Variants in AKAP17A observed in about 807,000 individuals in gnomAD.
AKAP17A encodes A-kinase anchoring protein 17A, also known as A-kinase anchor protein 17A.
AKAP17A carries 15 observed loss-of-function variants against 52.2 expected under a neutral mutation model. The observed-to-expected ratio is 0.29, with a 90% CI of 0.19 to 0.44. The LOEUF (loss-of-function observed/expected upper bound fraction) is 0.44. Ranked by LOEUF, AKAP17A falls within the 20% of genes least tolerant of loss-of-function variation. The pLI is 1.00. For synonymous variants in AKAP17A, 514 were observed against 424.7 expected (o/e 1.21, Z -2.58); for missense variants, 1,060 against 1,007.0 (o/e 1.05, Z -0.71).
At chrX:1,597,240 T>TC (rs1464277614) in intron 3 of AKAP17A, among the ~76,000 whole-genome samples, 4 of 152,160 alleles carry the variant, frequency 2.6e-5, no homozygotes, top group Non-Finnish European at 5.9e-5. Flanking sequence ...CCCCGTTGCC[T>TC]CCCCAGGGGA....
In AKAP17A at chrX:1,601,066, C is replaced by T. The variant is rs768671546; in HGVS notation, c.1560C>T (p.Ala520=). 6.2e-7 allele frequency: 1 copy of T among 1,613,546 alleles called. No homozygotes were observed. The highest frequency in any genetic ancestry group is 8.5e-7 in the Non-Finnish European group (1 of 1,179,786). Residue 520 remains alanine, a synonymous_variant, in exon 5 of 5, where the codon GCC becomes GCT. Transcript: ENST00000313871. ...KSVNGSVAEE[A]PCKEVQSSCR... ...TGAACGGGAGCGTGGCCGAGGAGGC[C>T]CCATGCAAGGAGGTTCAGAGCTCCT...
At chrX:1,592,546 C>G (rs1226264009) in intron 1 of AKAP17A, among the ~76,000 whole-genome samples, 6 of 152,042 alleles carry the variant, frequency 3.9e-5, no homozygotes, top group African/African-American at 1.4e-4. Flanking sequence ...GCCCCACTGA[C>G]CTTTTCTGGT....
At position 1,601,051 on chromosome X, in the gene AKAP17A, C is replaced by T. The variant is rs147196768; in HGVS notation, c.1545C>T (p.Ser515=). The change falls in exon 5 of 5, where the codon AGC becomes AGT. Residue 515 remains serine (S), a synonymous_variant. Transcript: ENST00000313871. ...GCGCTCCCAAAAGCGTGAACGGGAG[C>T]GTGGCCGAGGAGGCCCCATGCAAGG... is the stretch of plus-strand genomic sequence containing the variant. The part of the protein sequence containing the change: ...ADGAPKSVNG[S]VAEEAPCKEV... The T allele has an allele frequency of 7.6e-5, 123 of 1,613,008 alleles. No homozygotes were observed. In the African/African-American group the frequency reaches 8.3e-4, roughly 11 times the overall value.
Position 1,601,904 on chromosome X carries a change from G to A in AKAP17A, c.*310G>A. On this transcript the variant is annotated 3_prime_UTR_variant, in exon 5 of 5. Coordinates refer to ENST00000313871, the MANE Select transcript of AKAP17A (RefSeq NM_005088.3). ...GCACAGACCGACAGTCGTGAGGATG[G>A]CAGAGCTGCTGCATTCCCCCACACG... 3.0e-6 allele frequency: 1 copy of A among 335,534 alleles called. No individual in the cohort carries two copies. Among genetic ancestry groups the A allele is most frequent in the East Asian group, 4.5e-5 (1 of 22,320 alleles). 20.8% of individuals were successfully genotyped at this position (335,534 alleles called of 1,614,324 possible). A position where few individuals can be genotyped will look rare whatever the true frequency, so the allele number is the denominator to read the frequency against.
At position 1,593,807 on chromosome X, in the gene AKAP17A, C is replaced by T. The variant is rs201097144; in HGVS notation, c.345C>T (p.Ala115=). 73 of 1,612,834 alleles carry T rather than the reference C, an allele frequency of 4.5e-5. No individual in the cohort carries two copies. Among genetic ancestry groups the T allele is most frequent in the Non-Finnish European group, 5.0e-5 (59 of 1,179,374 alleles). The change falls in exon 2 of 5, where the codon GCC becomes GCT. Residue 115 remains alanine (A), a synonymous_variant. Coordinates refer to ENST00000313871, the MANE Select transcript of AKAP17A (RefSeq NM_005088.3). ...GFSDILKVRA[A]EFKIDFPTRH... The stretch of plus-strand genomic sequence containing the variant: ...CCGACATCCTGAAGGTGCGCGCGGC[C>T]GAGTTCAAGATCGACTTCCCCACCC...
rs1932872135 is a variant in AKAP17A at position 1,593,358 on chromosome X, C to T, written c.-19-86C>T. The T allele has an allele frequency of 5.8e-6, 8 of 1,372,772 alleles. No homozygotes were observed. In the Admixed American group the frequency reaches 1.6e-4, roughly 28 times the overall value. The allele number at this position is 1,372,772 out of a possible 1,614,324, so 85.0% of individuals were successfully genotyped here. A position where few individuals can be genotyped will look rare whatever the true frequency, so the allele number is the denominator to read the frequency against. ...CACTGCTGTTTCTCTTCTCCGGGTC[C>T]AGAAAGTGCCTGCTGGCTTGGCCCC... On this transcript the variant is annotated intron_variant, in intron 1 of 4. Transcript: ENST00000313871.
In AKAP17A at chrX:1,593,666, T is replaced by G; in HGVS notation, c.204T>G (p.Arg68=). 6.2e-7 allele frequency: 1 copy of G among 1,613,916 alleles called. No individual in the cohort carries two copies. The highest frequency in any genetic ancestry group is 8.5e-7 in the Non-Finnish European group (1 of 1,179,866). The change falls in exon 2 of 5, where the codon CGT becomes CGG. Residue 68 remains arginine (R), a synonymous_variant. Coordinates refer to ENST00000313871, the MANE Select transcript of AKAP17A (RefSeq NM_005088.3). ...AGAACCACCAGTTCTCCACGCTGCGTATTTCCAAGAGCACCATGGACTTCA... is the reference window on the plus strand; with the variant it reads ...AGAACCACCAGTTCTCCACGCTGCGGATTTCCAAGAGCACCATGGACTTCA... The part of the protein sequence containing the change: ...MVQNHQFSTL[R]ISKSTMDFIR...
intron 3 of AKAP17A, among the ~76,000 whole-genome samples, chrX:1,598,681 G>C (rs1359046294): frequency 6.6e-6 from 1 of 152,154 alleles, no homozygotes; most frequent in Non-Finnish European, 1.5e-5. Flanking sequence ...GCAAGGAGCT[G>C]AGTGGCGTGG....
chrX:1,599,170 A>G, intron 3 of AKAP17A, 22 bp from the exon 4 acceptor site: 2 of 1,604,948 alleles, frequency 1.2e-6, no homozygotes, highest in Non-Finnish European at 1.7e-6. Context: ...CTCTGTGACC[A>G]CCCCCGGTGT....
chrX:1,595,538 T>C lies in AKAP17A; in HGVS notation c.911+6T>C, dbSNP rs781174800. On this transcript the variant is annotated splice_donor_region_variant and intron_variant, in intron 3 of 4. Coordinates refer to ENST00000313871, the MANE Select transcript of AKAP17A (RefSeq NM_005088.3). Reference sequence around the variant, plus strand: ...AGGCAGCGAGCGGAGGAAAGGTACCTTCTGCGGGAGCGGGCCCTCGGCGCT... The same window carrying C: ...AGGCAGCGAGCGGAGGAAAGGTACCCTCTGCGGGAGCGGGCCCTCGGCGCT... 1.9e-6 allele frequency: 3 copies of C among 1,613,670 alleles called. No individual in the cohort carries two copies. The highest frequency in any genetic ancestry group is 2.5e-6 in the Non-Finnish European group (3 of 1,179,836).
chrX:1,594,325 G>GCTGGGA, intron 2 of AKAP17A, 101 bp downstream of exon 2: 1 of 1,365,816 alleles, frequency 7.3e-7, no homozygotes, highest in Non-Finnish European at 9.7e-7. Flanking sequence ...TGAGGCTGTG[G>GCTGGGA]GGACCTCCCC....
intron 4 of AKAP17A, chrX:1,599,842 G>A: frequency 1.7e-6 from 1 of 596,866 alleles, no homozygotes; most frequent in East Asian, 2.8e-5. Flanking sequence ...GGGCAAGGTG[G>A]GCTGGGGGGA....
At chrX:1,600,185 G>T in intron 4 of AKAP17A, 1 of 1,308,148 alleles carries the variant, frequency 7.6e-7, no homozygotes, top group Non-Finnish European at 1.0e-6. Flanking sequence ...TGAGACATGT[G>T]GCAGCCCAGT....
rs765737146 is a variant in AKAP17A at position 1,593,525 on chromosome X, C to T, written c.63C>T (p.Gly21=). ...SEAVELCPAY[G]LYLKPITKMT... is the part of the protein sequence containing the mutation. ...CCGTGGAGCTCTGCCCTGCTTACGG[C>T]TTGTACCTGAAGCCCATCACCAAGA... is the stretch of plus-strand genomic sequence containing the variant. The change falls in exon 2 of 5, where the codon GGC becomes GGT. Residue 21 remains glycine, a synonymous_variant. Transcript: ENST00000313871. 20 of 1,613,646 alleles carry T rather than the reference C, an allele frequency of 1.2e-5. No homozygotes were observed. The highest frequency in any genetic ancestry group is 2.7e-5 in the African/African-American group (2 of 74,936).
chrX:1,598,918 T>A (rs749815411), intron 3 of AKAP17A, among the ~76,000 whole-genome samples: 1 of 152,280 alleles, frequency 6.6e-6, no homozygotes, highest in South Asian at 2.1e-4. Flanking sequence ...TGGCTTTTGA[T>A]GTGGTCGGTC....
rs1363782837 is a variant in AKAP17A, at chrX:1,600,352, G to T, written c.1153-307G>T. The T allele has an allele frequency of 7.6e-6, 5 of 661,564 alleles. No individual in the cohort carries two copies. In the East Asian group the frequency reaches 9.5e-5, roughly 13 times the overall value. The allele number at this position is 661,564 out of a possible 1,614,324, so 41.0% of individuals were successfully genotyped here. On this transcript the variant is annotated intron_variant, in intron 4 of 4. Coordinates refer to ENST00000313871, the MANE Select transcript of AKAP17A (RefSeq NM_005088.3). ...CAGGCGCCTGTGTGCAACGTGGTGG[G>T]GCTCCCGGCAGGGCTCGGCTCTGCC... is the stretch of plus-strand genomic sequence containing the variant.
At chrX:1,599,535 G>A (rs756911817) in intron 4 of AKAP17A, 103 bp downstream of exon 4, 3 of 1,490,832 alleles carry the variant, frequency 2.0e-6, no homozygotes, top group Admixed American at 2.0e-5. Flanking sequence ...CCCGCCGGCT[G>A]CAGCTGTAGC....
At chrX:1,595,973 C>A (rs1387229794) in intron 3 of AKAP17A, among the ~76,000 whole-genome samples, 1 of 152,068 alleles carries the variant, frequency 6.6e-6, no homozygotes, top group Non-Finnish European at 1.5e-5. Context: ...CACGTGAGGA[C>A]CTGCGTGAGT....
chrX:1,600,449 GC>G, intron 4 of AKAP17A: 1 of 641,544 alleles, frequency 1.6e-6, no homozygotes, highest in Non-Finnish European at 2.7e-6. Context: ...ACGCATGATG[GC>G]CCCAGGTGTG....
Sources: allele counts gnomAD v4.1 joint callset (sites outside exome capture counted in the v4.1 genomes callset), GRCh38; gene constraint gnomAD v4.1.1; transcripts MANE v1.5; gene names NCBI Gene and HGNC (gene_info 2026-07-23, HGNC 2026-07-21).